The following CDK15 variants were observed in gnomAD, a reference collection of about 807,000 sequenced individuals.
CDK15 encodes the protein cyclin dependent kinase 15.
CDK15 carries 62 observed loss-of-function variants against 60.3 expected under a neutral mutation model. That is an observed-to-expected ratio of 1.03 (90% CI 0.84 to 1.27). The LOEUF (loss-of-function observed/expected upper bound fraction) is 1.27. Among genes scored for constraint, CDK15 ranks in the 50% most tolerant of loss-of-function variants. The pLI is 0.00. For synonymous variants in CDK15, 194 were observed against 195.7 expected (o/e 0.99, Z 0.07); for missense variants, 541 against 527.8 (o/e 1.03, Z -0.25).
rs1309612833 is a variant in CDK15, at chr2:201,895,369, T to G, written c.*2102T>G. On this transcript the variant is annotated 3_prime_UTR_variant, in exon 14 of 14. Transcript: ENST00000652192. ...GTGGAAGTTGACAGAATTATCCTCTTTATAATGGAGGAACATTATGCTTAT... is the reference window on the plus strand; with the variant it reads ...GTGGAAGTTGACAGAATTATCCTCTGTATAATGGAGGAACATTATGCTTAT... 1.3e-5 allele frequency: 2 copies of G among 152,274 alleles called. No individual in the cohort carries two copies. The highest frequency in any genetic ancestry group is 4.8e-5 in the African/African-American group (2 of 41,474). 9.4% of individuals were successfully genotyped at this position (152,274 alleles called of 1,614,324 possible). A position where few individuals can be genotyped will look rare whatever the true frequency, so the allele number is the denominator to read the frequency against.
chr2:201,870,528 A>G (rs1698812551), intron 10 of CDK15, among the ~76,000 whole-genome samples: 1 of 151,182 alleles, frequency 6.6e-6, no homozygotes, highest in Non-Finnish European at 1.5e-5. Context: ...GGACAAAAAA[A>G]AAAAAGCGAG....
At position 201,877,938 on chromosome 2, in the gene CDK15, G is replaced by A. The variant is rs77837138; in HGVS notation, c.1059-2090G>A. Among the ~76,000 whole-genome samples, 1,385 of 152,234 alleles carry A rather than the reference G, an allele frequency of 9.1e-3. 11 individuals are homozygous for A. The highest frequency in any genetic ancestry group is 0.015 in the Non-Finnish European group (1,011 of 68,010). ...AAAATTAGGTAAATTAGAATTCTGG[G>A]CCAAGACTTCCAGCATCTCTGCATC... On this transcript the variant is annotated intron_variant, in intron 11 of 13. Coordinates refer to ENST00000652192, the MANE Select transcript of CDK15 (RefSeq NM_001366386.2).
At chr2:201,844,094 T>C (rs2105767535) in intron 8 of CDK15, among the ~76,000 whole-genome samples, 1 of 152,338 alleles carries the variant, frequency 6.6e-6, no homozygotes, top group East Asian at 1.9e-4. Flanking sequence ...ATCCTTCTAG[T>C]GGTTTGTGAG....
rs1282842757 is a variant in CDK15, at chr2:201,824,807, C to T, written c.606+1080C>T. 4.4e-6 allele frequency: 3 copies of T among 676,158 alleles called. No individual in the cohort carries two copies. In the East Asian group the frequency reaches 1.8e-4, roughly 41 times the overall value. The allele number at this position is 676,158 out of a possible 1,614,324, so 41.9% of individuals were successfully genotyped here. A position where few individuals can be genotyped will look rare whatever the true frequency, so the allele number is the denominator to read the frequency against. ...AAAGAAAATGTGAAACACCCTCAGC[C>T]ATCTGAAGGACAGTGTTACAGCAAT... is the stretch of plus-strand genomic sequence containing the variant. On this transcript the variant is annotated intron_variant, in intron 6 of 13. Transcript: ENST00000652192.
chr2:201,854,128 C>G (rs1000617235), intron 9 of CDK15, among the ~76,000 whole-genome samples: 14 of 151,878 alleles, frequency 9.2e-5, no homozygotes, highest in Admixed American at 9.2e-4. Flanking sequence ...GAGCCGAGAT[C>G]GCATCACTGC....
chr2:201,876,111 AT>A (rs1180005453), intron 11 of CDK15, among the ~76,000 whole-genome samples: 1 of 152,140 alleles, frequency 6.6e-6, no homozygotes, highest in Non-Finnish European at 1.5e-5. Flanking sequence ...GCAAATTAAC[AT>A]TTGTGATGTT....
At position 201,881,813 on chromosome 2, in the gene CDK15, T is replaced by G. The variant is rs1699288602; in HGVS notation, c.1198+1646T>G. On this transcript the variant is annotated intron_variant, in intron 12 of 13. Coordinates refer to ENST00000652192, the MANE Select transcript of CDK15 (RefSeq NM_001366386.2). ...CTCTTCCCAGTCCAAGCCCCTAGAT[T>G]GTTCCTTTTCAGCTTTCTCCTGTCA... Among the ~76,000 whole-genome samples, 3 of 152,082 alleles carry G rather than the reference T, an allele frequency of 2.0e-5. No homozygotes were observed. In the South Asian group the frequency reaches 6.2e-4, roughly 32 times the overall value.
At chr2:201,885,278 G>GT (rs1297411484) in intron 12 of CDK15, among the ~76,000 whole-genome samples, 3 of 151,940 alleles carry the variant, frequency 2.0e-5, no homozygotes, top group African/African-American at 4.8e-5. Flanking sequence ...CTGTTTATTG[G>GT]TTTTTTTGTG....
intron 10 of CDK15, chr2:201,861,551 GTTTTTTTTTTTTTCT>G: frequency 1.3e-5 from 9 of 678,482 alleles, no homozygotes; most frequent in Non-Finnish European, 1.6e-5. Context: ...TTGTTGGTTT[GTTTTTTTTTTTTTCT>G]TTTTTTTTTT....
chr2:201,827,846 G>T (rs1039818662), intron 6 of CDK15, among the ~76,000 whole-genome samples: 1 of 152,164 alleles, frequency 6.6e-6, no homozygotes, highest in African/African-American at 2.4e-5. Flanking sequence ...ACAAGTCTGG[G>T]TTTAAGCCTG....
intron 11 of CDK15, among the ~76,000 whole-genome samples, chr2:201,875,900 T>C (rs1574932536): frequency 1.3e-5 from 2 of 152,226 alleles, no homozygotes; most frequent in South Asian, 4.1e-4. Flanking sequence ...ATGAATTATT[T>C]TGGCATTGGA....
At chr2:201,860,783 A>G in intron 10 of CDK15, 1 of 1,352,216 alleles carries the variant, frequency 7.4e-7, no homozygotes, top group African/African-American at 1.5e-5. Flanking sequence ...GACATCGGAC[A>G]GCATCGTACT....
Position 201,888,399 on chromosome 2 carries a change from G to T in CDK15, c.1199-2386G>T. The T allele has an allele frequency of 2.0e-6, 3 of 1,527,576 alleles. No individual in the cohort carries two copies. The South Asian group carries it at 3.7e-5, about 19-fold the overall frequency. 94.6% of individuals were successfully genotyped at this position (1,527,576 alleles called of 1,614,324 possible). A position where few individuals can be genotyped will look rare whatever the true frequency, so the allele number is the denominator to read the frequency against. On this transcript the variant is annotated intron_variant, in intron 12 of 13. Transcript: ENST00000652192. ...AACTTGTCCTGCCGACTGTCTAGAT[G>T]ACTGAATTTCCCTTCTCAAAAAATT...
chr2:201,844,124 G>A (rs971074217), intron 8 of CDK15, among the ~76,000 whole-genome samples: 15 of 152,294 alleles, frequency 9.8e-5, no homozygotes, highest in African/African-American at 3.6e-4. Flanking sequence ...TTTCTGGAAG[G>A]TGTTTGGGAA....
chr2:201,842,095 T>C (rs1231519701), intron 8 of CDK15, among the ~76,000 whole-genome samples: 2 of 152,144 alleles, frequency 1.3e-5, no homozygotes, highest in African/African-American at 2.4e-5. Context: ...TCTCCAGAAC[T>C]TTTCATCATC....
intron 4 of CDK15, among the ~76,000 whole-genome samples, chr2:201,821,887 G>A (rs1696236002): frequency 6.6e-6 from 1 of 151,968 alleles, no homozygotes; most frequent in Admixed American, 6.6e-5. Flanking sequence ...CACCGCGTTG[G>A]CCAGGCTGGT....
intron 11 of CDK15, among the ~76,000 whole-genome samples, chr2:201,879,641 G>A (rs2105830964): frequency 6.6e-6 from 1 of 152,264 alleles, no homozygotes; most frequent in East Asian, 1.9e-4. Flanking sequence ...CAGCCTCTCA[G>A]AGTTCGATCG....
At position 201,879,615 on chromosome 2, in the gene CDK15, A is replaced by G. The variant is rs570307584; in HGVS notation, c.1059-413A>G. Among the ~76,000 whole-genome samples, 12 of 152,250 alleles carry G rather than the reference A, an allele frequency of 7.9e-5. No homozygotes were observed. The East Asian group carries it at 2.3e-3, about 29-fold the overall frequency. On this transcript the variant is annotated intron_variant, in intron 11 of 13. Coordinates refer to ENST00000652192, the MANE Select transcript of CDK15 (RefSeq NM_001366386.2). Reference sequence around the variant, plus strand: ...GTCTGGTCCCAAACTCCTGGCCTCAAGTGATCTGCCTACCTCAGCCTCTCA... The same window carrying G: ...GTCTGGTCCCAAACTCCTGGCCTCAGGTGATCTGCCTACCTCAGCCTCTCA...
At position 201,855,034 on chromosome 2, in the gene CDK15, G is replaced by A. The variant is rs554968045; in HGVS notation, c.1009+97G>A. The A allele has an allele frequency of 8.5e-5, 86 of 1,016,466 alleles. 1 individual carries two copies. The highest frequency in any genetic ancestry group is 1.1e-4 in the Non-Finnish European group (74 of 648,874). 63.0% of individuals were successfully genotyped at this position (1,016,466 alleles called of 1,614,324 possible). On this transcript the variant is annotated intron_variant, in intron 10 of 13. Transcript: ENST00000652192. ...GGCGTTCTTGTATTGTGAACTCAGC[G>A]GCAAAGATGGGTGTAGAGGAATTTC...
Sources: gnomAD v4.1 joint callset for allele counts (sites outside exome capture counted in the v4.1 genomes callset) on GRCh38, gnomAD v4.1.1 for gene constraint, MANE v1.5 for transcripts, NCBI Gene and HGNC (gene_info 2026-07-23, HGNC 2026-07-21) for gene names.